KLRC3: variants seen among roughly 807,000 people sequenced by gnomAD.
The protein encoded by KLRC3 is NKG2-E type II integral membrane protein.
A neutral mutation model predicts 23.6 loss-of-function variants in KLRC3; 16 were observed. The ratio of observed to expected loss-of-function variants is 0.68; its 90% CI spans 0.46 to 1.03. The LOEUF is 1.03. KLRC3 is among the 50% of genes least tolerant of loss of function. The pLI is 0.00. For missense variants in KLRC3, 209 were observed against 232.2 expected (o/e 0.90, Z 0.65); for synonymous variants, 70 against 71.8 (o/e 0.98, Z 0.13).
At chr12:10,417,008 A>G (rs1863654459) in intron 4 of KLRC3, among the ~76,000 whole-genome samples, 1 of 151,982 alleles carries the variant, frequency 6.6e-6, no homozygotes, top group African/African-American at 2.4e-5. Context: ...AAACACAGGA[A>G]GGGTTTTAAT....
chr12:10,416,002 T>C (rs1457313898), intron 5 of KLRC3, among the ~76,000 whole-genome samples: 2 of 151,792 alleles, frequency 1.3e-5, no homozygotes, highest in African/African-American at 4.9e-5. Flanking sequence ...CCCCACTGAA[T>C]GTCTGAAATA....
intron 6 of KLRC3, among the ~76,000 whole-genome samples, chr12:10,412,821 T>C (rs1288234800): frequency 6.6e-6 from 1 of 152,212 alleles, no homozygotes; most frequent in South Asian, 2.1e-4. Flanking sequence ...TTTTTATCAT[T>C]GCATATACCT....
At chr12:10,417,201 C>T (rs1863657195) in intron 4 of KLRC3, among the ~76,000 whole-genome samples, 1 of 151,680 alleles carries the variant, frequency 6.6e-6, no homozygotes, top group Admixed American at 6.6e-5. Context: ...ACTAGATAAG[C>T]CCTCAATTTT....
Position 10,416,690 on chromosome 12 carries a change from T to C in KLRC3, c.564A>G (p.Ile188Met). The C allele has an allele frequency of 1.9e-6, 3 of 1,611,128 alleles. No individual in the cohort carries two copies. The highest frequency in any genetic ancestry group is 1.1e-5 in the South Asian group (1 of 90,254). The change falls in exon 5 of 7, where the codon ATA (isoleucine) becomes ATG (methionine). Residue 188 changes from isoleucine (I) to methionine (M), a missense_variant. Transcript: ENST00000396439. ...ACTCATGTTTGAAAGCCAAACCATT[T>C]ATTGTCACCCATGGATGATGACTGC... is the stretch of plus-strand genomic sequence containing the variant. ...RNSSHHPWVT[I>M]NGLAFKHEIK... is the part of the protein sequence containing the mutation.
At chr12:10,417,031 A>C (rs948536482) in intron 4 of KLRC3, among the ~76,000 whole-genome samples, 3 of 151,994 alleles carry the variant, frequency 2.0e-5, no homozygotes, top group Non-Finnish European at 4.4e-5. Context: ...GTTTCCTGAT[A>C]CTGTGCATTC....
Position 10,420,455 on chromosome 12 carries a change from T to C in KLRC3, c.96A>G (p.Ser32=), listed in dbSNP as rs368635736. ...RKPKGNKSSI[S]GTEQEIFQVE... ...CTTGGAATATTTCCTGTTCGGTTCC[T>C]GAAATGGAGCTTTTATTGCCTTTAG... is the stretch of plus-strand genomic sequence containing the variant. Residue 32 remains serine, a synonymous_variant, in exon 1 of 7, where the codon TCA becomes TCG. Coordinates refer to ENST00000396439, the MANE Select transcript of KLRC3 (RefSeq NM_002261.3). The C allele has an allele frequency of 1.5e-5, 24 of 1,613,446 alleles. No homozygotes were observed. In the African/African-American group the frequency reaches 2.4e-4, roughly 16 times the overall value.
Position 10,412,501 on chromosome 12 carries a change from C to G in KLRC3, c.*71G>C. ...AAACACAAGCTAAATGGTACATGAG[C>G]ACTCAGGGGCGGTGGCTTGTGTCAG... On this transcript the variant is annotated 3_prime_UTR_variant, in exon 7 of 7. Coordinates refer to ENST00000396439, the MANE Select transcript of KLRC3 (RefSeq NM_002261.3). 1.4e-6 allele frequency: 1 copy of G among 700,350 alleles called. No homozygotes were observed. The highest frequency in any genetic ancestry group is 2.6e-6 in the Non-Finnish European group (1 of 384,068). The allele number at this position is 700,350 out of a possible 1,614,324, so 43.4% of individuals were successfully genotyped here.
rs751875605 is a variant in KLRC3 at position 10,418,295 on chromosome 12, T to C, written c.486+49A>G. On this transcript the variant is annotated intron_variant, in intron 4 of 6. Coordinates refer to ENST00000396439, the MANE Select transcript of KLRC3 (RefSeq NM_002261.3). ...ATGGATGTTTTCTACAAATGTATTA[T>C]TCACTGAAAGAAGCTTTTCATAAAA... The C allele has an allele frequency of 2.7e-6, 4 of 1,506,794 alleles. No individual in the cohort carries two copies. In the African/African-American group the frequency reaches 4.2e-5, roughly 16 times the overall value. 93.3% of individuals were successfully genotyped at this position (1,506,794 alleles called of 1,614,324 possible). A position where few individuals can be genotyped will look rare whatever the true frequency, so the allele number is the denominator to read the frequency against.
At chr12:10,414,645 G>A (rs1438018707) in intron 6 of KLRC3, among the ~76,000 whole-genome samples, 4 of 150,198 alleles carry the variant, frequency 2.7e-5, no homozygotes, top group African/African-American at 7.4e-5. Flanking sequence ...AGCATTAGGA[G>A]ATATACCTAA....
At chr12:10,418,774 TTTTTAGAA>T (rs1863681455) in intron 3 of KLRC3, among the ~76,000 whole-genome samples, 1 of 152,118 alleles carries the variant, frequency 6.6e-6, no homozygotes, top group Admixed American at 6.5e-5. Flanking sequence ...CACAACTGCT[TTTTTAGAA>T]TAGTAAAATT....
rs1217215269 is a variant in KLRC3 at position 10,413,277 on chromosome 12, CAT to C, written c.679-663_679-662del. On this transcript the variant is annotated intron_variant, in intron 6 of 6. Coordinates refer to ENST00000396439, the MANE Select transcript of KLRC3 (RefSeq NM_002261.3). ...AATTCAGTAATATATGTCAAAATAA[CAT>C]ATGGGCCAAAGAAATTATCAAGATG... 7.9e-5 allele frequency among the ~76,000 whole-genome samples: 12 copies of C among 152,126 alleles called. No individual in the cohort carries two copies. The South Asian group carries it at 2.5e-3, about 32-fold the overall frequency.
intron 1 of KLRC3, among the ~76,000 whole-genome samples, 198 bp downstream of exon 1, chr12:10,420,166 T>G (rs1863700787): frequency 6.6e-6 from 1 of 152,110 alleles, no homozygotes; most frequent in Non-Finnish European, 1.5e-5. Flanking sequence ...GTTCCATGAG[T>G]GGATTGCAGA....
At chr12:10,416,399 G>A (rs1863643526) in intron 5 of KLRC3, among the ~76,000 whole-genome samples, 1 of 152,278 alleles carries the variant, frequency 6.6e-6, no homozygotes, top group Admixed American at 6.5e-5. Flanking sequence ...TTTATGTGTG[G>A]CCCAAGACTC....
In KLRC3 at chr12:10,417,340, C is replaced by A. The variant is rs532169570; in HGVS notation, c.487-573G>T. On this transcript the variant is annotated intron_variant, in intron 4 of 6. Transcript: ENST00000396439. The stretch of plus-strand genomic sequence containing the variant: ...AATGAAAGACAAAAGTAATGGAGAA[C>A]TCTGAAAGGTGGAAAGAGAAAGATG... Among the ~76,000 whole-genome samples the A allele has an allele frequency of 3.7e-4, 57 of 152,008 alleles. 1 individual carries two copies. The highest frequency in any genetic ancestry group is 1.4e-3 in the African/African-American group (56 of 41,288).
intron 5 of KLRC3, 32 bp from the exon 6 acceptor site, chr12:10,415,826 C>T (rs750354155): frequency 6.7e-7 from 1 of 1,497,576 alleles, no homozygotes; most frequent in South Asian, 1.2e-5. Flanking sequence ...AATTCTGTTA[C>T]ATTTTATGCA....
At chr12:10,419,000 A>G (rs1191426064) in intron 3 of KLRC3, 44 bp downstream of exon 3, 16 of 331,618 alleles carry the variant, frequency 4.8e-5, no homozygotes, top group Non-Finnish European at 5.9e-5. Context: ...CAGACACAAA[A>G]TATAAATTGT....
chr12:10,415,432 A>G (rs137925127), intron 6 of KLRC3, among the ~76,000 whole-genome samples: 1 of 152,280 alleles, frequency 6.6e-6, no homozygotes, highest in Non-Finnish European at 1.5e-5. Flanking sequence ...ATATAAACTG[A>G]CCAACATAAC....
At chr12:10,416,254 C>T (rs770680111) in intron 5 of KLRC3, among the ~76,000 whole-genome samples, 16 of 152,220 alleles carry the variant, frequency 1.1e-4, no homozygotes, top group Non-Finnish European at 2.2e-4. Flanking sequence ...GTCTAACTTA[C>T]GGCCCATGGG....
intron 6 of KLRC3, among the ~76,000 whole-genome samples, chr12:10,414,775 A>T (rs1201048169): frequency 2.6e-5 from 4 of 151,296 alleles, no homozygotes; most frequent in South Asian, 4.2e-4. Context: ...ATAAAAAAAG[A>T]AAAAAAAAGA....
Sources: allele counts gnomAD v4.1 joint callset (sites outside exome capture counted in the v4.1 genomes callset), GRCh38; gene constraint gnomAD v4.1.1; transcripts MANE v1.5; gene names NCBI Gene and HGNC (gene_info 2026-07-23, HGNC 2026-07-21).